SAE1: variants seen among roughly 807,000 people sequenced by gnomAD.
SAE1 encodes the protein SUMO1 activating enzyme subunit 1.
Under a neutral mutation model 40.6 loss-of-function variants are expected in SAE1, and 11 were observed. That is an observed-to-expected ratio of 0.27 (90% CI 0.17 to 0.45). SAE1 has a LOEUF of 0.45. Ranked by LOEUF, SAE1 falls within the 20% of genes least tolerant of loss-of-function variation. The probability of loss-of-function intolerance (pLI) is 1.00; values close to 1 mark genes in which losing one functional copy is unlikely to be tolerated. For synonymous variants in SAE1, 155 were observed against 154.3 expected (o/e 1.00, Z -0.03); for missense variants, 373 against 427.3 (o/e 0.87, Z 1.12).
intron 8 of SAE1, among the ~76,000 whole-genome samples, chr19:47,207,004 A>G (rs1478183538): frequency 6.6e-6 from 1 of 152,188 alleles, no homozygotes; most frequent in African/African-American, 2.4e-5. Context: ...TGCTTAATAA[A>G]TGTTCCCTTG....
At chr19:47,148,358 A>C (rs1407431995) in intron 2 of SAE1, among the ~76,000 whole-genome samples, 2 of 151,804 alleles carry the variant, frequency 1.3e-5, no homozygotes, top group Non-Finnish European at 2.9e-5. Context: ...GGTTGGTAGG[A>C]GGTGTTGAGG....
intron 6 of SAE1, among the ~76,000 whole-genome samples, chr19:47,188,238 C>G (rs1465140148): frequency 4.0e-5 from 6 of 151,868 alleles, no homozygotes; most frequent in Non-Finnish European, 5.9e-5. Flanking sequence ...GTAGTCCCAG[C>G]TATTTGGGAG....
chr19:47,180,841 A>G (rs2058501382), intron 6 of SAE1, among the ~76,000 whole-genome samples: 1 of 152,166 alleles, frequency 6.6e-6, no homozygotes, highest in African/African-American at 2.4e-5. Flanking sequence ...ATGCTTTTAA[A>G]TGAATTACAT....
chr19:47,196,641 T>C (rs1415517813), intron 6 of SAE1, among the ~76,000 whole-genome samples: 3 of 150,396 alleles, frequency 2.0e-5, no homozygotes, highest in East Asian at 2.0e-4. Flanking sequence ...GGGTTACAGC[T>C]GTGAGCCACC....
intron 6 of SAE1, among the ~76,000 whole-genome samples, chr19:47,193,882 A>T (rs956383912): frequency 6.6e-6 from 1 of 152,092 alleles, no homozygotes; most frequent in Non-Finnish European, 1.5e-5. Flanking sequence ...CTTCTCTGAT[A>T]TGCAGAGCCC....
At chr19:47,169,738 C>T (rs2058418722) in intron 5 of SAE1, 80 bp from the exon 6 acceptor site, 3 of 903,412 alleles carry the variant, frequency 3.3e-6, no homozygotes, top group Non-Finnish European at 5.5e-6. Context: ...TGAGATTTTT[C>T]TGCAATAGAG....
intron 6 of SAE1, among the ~76,000 whole-genome samples, chr19:47,175,814 A>G (rs1020422847): frequency 2.0e-5 from 3 of 152,208 alleles, no homozygotes; most frequent in South Asian, 2.1e-4. Flanking sequence ...AGTTAGGGAA[A>G]CAGGATCACC....
intron 8 of SAE1, among the ~76,000 whole-genome samples, chr19:47,206,274 C>T (rs147323495): frequency 6.6e-6 from 1 of 152,310 alleles, no homozygotes; most frequent in African/African-American, 2.4e-5. Flanking sequence ...AGCACTTTAC[C>T]TTTTGCCCCA....
rs140430180 is a variant in SAE1 at position 47,202,865 on chromosome 19, G to A, written c.879-806G>A. Among the ~76,000 whole-genome samples the A allele has an allele frequency of 8.3e-3, 1,259 of 152,158 alleles. 8 individuals carry two copies. Among genetic ancestry groups the A allele is most frequent in the Middle Eastern group, 0.02 (6 of 294 alleles). On this transcript the variant is annotated intron_variant, in intron 7 of 8. Coordinates refer to ENST00000270225, the MANE Select transcript of SAE1 (RefSeq NM_005500.3). The stretch of plus-strand genomic sequence containing the variant: ...GCGGAGCTTGCAGTAAGCCAAGATC[G>A]CGCCACTGCACTCCAGCCTGGGTGA...
intron 6 of SAE1, among the ~76,000 whole-genome samples, chr19:47,172,707 AAG>A (rs2058441812): frequency 1.3e-5 from 2 of 151,994 alleles, no homozygotes; most frequent in African/African-American, 4.8e-5. Flanking sequence ...CTCCAAAAAA[AAG>A]GGGGAGAAAC....
In SAE1 at chr19:47,130,959, G is replaced by A. The variant is rs1362458314; in HGVS notation, c.29G>A (p.Gly10Asp). Reference protein sequence around the residue: MVEKEEAGGGISEEEAAQYD... With the variant: MVEKEEAGGDISEEEAAQYD... ...GTGGAGAAGGAGGAGGCTGGCGGCG[G>A]CATTAGCGAGGAGGAGGCGGCACAG... The change falls in exon 1 of 9, where the codon GGC becomes GAC. Residue 10 changes from glycine (G) to aspartate (D), a missense_variant. Around this residue, in one of 3 missense-constraint regions of SAE1, gnomAD observed 18 missense variants for 18.0 expected, o/e 1.00. Coordinates refer to ENST00000270225, the MANE Select transcript of SAE1 (RefSeq NM_005500.3). The A allele has an allele frequency of 1.3e-6, 2 of 1,549,826 alleles. No individual in the cohort carries two copies. Among genetic ancestry groups the A allele is most frequent in the Non-Finnish European group, 8.7e-7 (1 of 1,146,456 alleles).
At chr19:47,200,790 G>A (rs2058649251) in intron 7 of SAE1, among the ~76,000 whole-genome samples, 1 of 152,078 alleles carries the variant, frequency 6.6e-6, no homozygotes, top group Admixed American at 6.6e-5. Context: ...GCCACAGCAG[G>A]GTTAAATAGT....
intron 4 of SAE1, among the ~76,000 whole-genome samples, chr19:47,154,241 C>G (rs1333096614): frequency 6.6e-6 from 1 of 151,752 alleles, no homozygotes; most frequent in Non-Finnish European, 1.5e-5. Flanking sequence ...CAGGCACCCG[C>G]CACCATGCCC....
intron 1 of SAE1, among the ~76,000 whole-genome samples, chr19:47,138,477 G>A (rs948372866): frequency 6.6e-6 from 1 of 152,158 alleles, no homozygotes; most frequent in Non-Finnish European, 1.5e-5. Context: ...TTGGCACATA[G>A]TAAGTGTTAG....
At chr19:47,180,755 C>G (rs749059372) in intron 6 of SAE1, among the ~76,000 whole-genome samples, 6 of 152,046 alleles carry the variant, frequency 3.9e-5, no homozygotes, top group African/African-American at 1.4e-4. Context: ...CGCAGGAGGT[C>G]GAAGCTGCAG....
chr19:47,168,318 TTC>T (rs964495267), intron 5 of SAE1, among the ~76,000 whole-genome samples: 10 of 152,014 alleles, frequency 6.6e-5, no homozygotes, highest in Non-Finnish European at 1.2e-4. Context: ...CTGTATTTTT[TTC>T]TCTCTCTCTC....
rs752171166 is a variant in SAE1 at position 47,150,384 on chromosome 19, C to A, written c.384+9C>A. The A allele has an allele frequency of 7.5e-6, 12 of 1,589,494 alleles. No individual in the cohort carries two copies. Among genetic ancestry groups the A allele is most frequent in the Admixed American group, 3.6e-5 (2 of 55,206 alleles). On this transcript the variant is annotated intron_variant, in intron 3 of 8. Coordinates refer to ENST00000270225, the MANE Select transcript of SAE1 (RefSeq NM_005500.3). Reference sequence around the variant, plus strand: ...TCACTCAATTCGATGCTGTAAGTTTCTTATTATAAAATCTGCTGTGGGAAT... The same window carrying A: ...TCACTCAATTCGATGCTGTAAGTTTATTATTATAAAATCTGCTGTGGGAAT...
chr19:47,137,712 TG>T, intron 1 of SAE1, among the ~76,000 whole-genome samples: 4 of 130,416 alleles, frequency 3.1e-5, no homozygotes, highest in African/African-American at 1.1e-4. Context: ...ATTGTGTGTG[TG>T]TGTGTGTGTG....
At chr19:47,149,188 T>G (rs1012268573) in intron 2 of SAE1, among the ~76,000 whole-genome samples, 2 of 144,432 alleles carry the variant, frequency 1.4e-5, no homozygotes, top group Non-Finnish European at 3.0e-5. Context: ...TTTTTTTTTT[T>G]GAGACGGAGT....
Sources: gnomAD v4.1 joint callset for allele counts (sites outside exome capture counted in the v4.1 genomes callset) on GRCh38, gnomAD v4.1.1 for gene constraint, gnomAD v4.1.1 regional missense constraint, MANE v1.5 for transcripts, NCBI Gene and HGNC (gene_info 2026-07-23, HGNC 2026-07-21) for gene names.